EPYC: variants seen among roughly 807,000 people sequenced by gnomAD.
EPYC encodes epiphycan, also known as dermatan sulfate proteoglycan 3.
EPYC carries 28 observed loss-of-function variants against 30.1 expected under a neutral mutation model. That is an observed-to-expected ratio of 0.93 (90% CI 0.69 to 1.28). EPYC has a LOEUF of 1.28. Among genes scored for constraint, EPYC ranks in the 50% most tolerant of loss-of-function variants. EPYC has a pLI of 0.00. For missense variants in EPYC, 382 were observed against 383.5 expected, an observed-to-expected ratio of 1.00 and a Z score of 0.03; for synonymous variants, 144 against 141.4, an observed-to-expected ratio of 1.02 and a Z score of -0.13.
intron 6 of EPYC, among the ~76,000 whole-genome samples, chr12:90,966,458 T>C (rs1173083066): frequency 6.6e-6 from 1 of 152,082 alleles, no homozygotes; most frequent in Non-Finnish European, 1.5e-5. Flanking sequence ...TTTTAAATGT[T>C]AAACTATTCT....
intron 2 of EPYC, 73 bp downstream of exon 2, chr12:91,002,328 T>C: frequency 7.5e-7 from 1 of 1,333,284 alleles, no homozygotes; most frequent in Non-Finnish European, 1.0e-6. Context: ...CAAACATCTA[T>C]TTGAGGAAAA....
chr12:90,966,112 A>G (rs1485042000), intron 6 of EPYC, among the ~76,000 whole-genome samples: 1 of 151,924 alleles, frequency 6.6e-6, no homozygotes, highest in Non-Finnish European at 1.5e-5. Context: ...GAAACTATTT[A>G]TTTACTATAT....
intron 6 of EPYC, among the ~76,000 whole-genome samples, chr12:90,968,322 C>T (rs1876951599): frequency 6.6e-6 from 1 of 152,160 alleles, no homozygotes; most frequent in African/African-American, 2.4e-5. Flanking sequence ...TTCATCCTCC[C>T]AGCCATCCTG....
intron 2 of EPYC, among the ~76,000 whole-genome samples, chr12:90,996,001 T>C (rs1432501571): frequency 6.6e-6 from 1 of 151,900 alleles, no homozygotes; most frequent in African/African-American, 2.4e-5. Flanking sequence ...CAACATAAAG[T>C]GTTGAGTATG....
chr12:90,963,796 TG>T lies in EPYC; in HGVS notation c.*359del, dbSNP rs1431163615. 1 of 157,624 alleles carries T rather than the reference TG, an allele frequency of 6.3e-6. No homozygotes were observed. Among genetic ancestry groups the T allele is most frequent in the Non-Finnish European group, 1.4e-5 (1 of 71,780 alleles). 9.8% of individuals were successfully genotyped at this position (157,624 alleles called of 1,614,324 possible). A position where few individuals can be genotyped will look rare whatever the true frequency, so the allele number is the denominator to read the frequency against. Reference sequence around the variant, plus strand: ...AGTTTAATTAAAAACATCTAAATCTTGGCAAAAATACCTAAAGTGTTCATTT... The same window carrying T: ...AGTTTAATTAAAAACATCTAAATCTTGCAAAAATACCTAAAGTGTTCATTT... On this transcript the variant is annotated 3_prime_UTR_variant, in exon 7 of 7. Transcript: ENST00000261172.
intron 6 of EPYC, among the ~76,000 whole-genome samples, chr12:90,967,279 T>C (rs1186311158): frequency 6.6e-6 from 1 of 151,458 alleles, no homozygotes; most frequent in Non-Finnish European, 1.5e-5. Context: ...CTCCATCCCA[T>C]ACATTTCAAT....
intron 1 of EPYC, among the ~76,000 whole-genome samples, chr12:91,003,386 C>T (rs1337344591): frequency 1.3e-5 from 2 of 151,974 alleles, no homozygotes; most frequent in Non-Finnish European, 2.9e-5. Flanking sequence ...AACAGGAATA[C>T]ATGTTTAAAA....
intron 2 of EPYC, among the ~76,000 whole-genome samples, chr12:90,982,592 C>A (rs1877347842): frequency 6.6e-6 from 1 of 152,014 alleles, no homozygotes; most frequent in Non-Finnish European, 1.5e-5. Flanking sequence ...TCTTTTCTCT[C>A]CTCTTTAACT....
At chr12:90,973,094 T>C (rs1358251780) in intron 3 of EPYC, 114 bp from the exon 4 acceptor site, 1 of 552,212 alleles carries the variant, frequency 1.8e-6, no homozygotes, top group Non-Finnish European at 2.9e-6. Flanking sequence ...GTAGATTTTA[T>C]ATTTTCTCGT....
chr12:91,000,275 G>T (rs556833653), intron 2 of EPYC, among the ~76,000 whole-genome samples: 1 of 152,118 alleles, frequency 6.6e-6, no homozygotes, highest in African/African-American at 2.4e-5. Context: ...GTTTGTATGT[G>T]GTAAAGGCTG....
intron 2 of EPYC, among the ~76,000 whole-genome samples, chr12:90,994,201 A>G (rs1950098): frequency 0.82 from 124,179 of 152,070 alleles, 50,995 homozygotes; most frequent in Non-Finnish European, 0.87. Flanking sequence ...ACCCAAGCAC[A>G]ATGGGGTTAG....
chr12:90,975,996 A>T (rs555695070), intron 3 of EPYC, among the ~76,000 whole-genome samples: 24 of 152,144 alleles, frequency 1.6e-4, no homozygotes, highest in Non-Finnish European at 3.2e-4. Flanking sequence ...TATTTTTAAA[A>T]ATGGGTAATC....
rs779697733 is a variant in EPYC at position 91,002,388 on chromosome 12, G to A, written c.165+13C>T. 6.2e-7 allele frequency: 1 copy of A among 1,608,294 alleles called. No homozygotes were observed. The highest frequency in any genetic ancestry group is 1.1e-5 in the South Asian group (1 of 89,906). On this transcript the variant is annotated intron_variant, in intron 2 of 6. Transcript: ENST00000261172. ...ATGCTTTTTAAAGTTTCAAGAGTAG[G>A]AGGATCGATTACCTCAACTTTATCA...
At chr12:90,972,131 T>C in intron 4 of EPYC, 129 bp from the exon 5 acceptor site, 1 of 569,924 alleles carries the variant, frequency 1.8e-6, no homozygotes, top group East Asian at 3.0e-5. Context: ...ATTATCTTTC[T>C]TTTTATAAAA....
chr12:90,969,010 T>C (rs1876968418), intron 6 of EPYC, among the ~76,000 whole-genome samples: 1 of 151,036 alleles, frequency 6.6e-6, no homozygotes, highest in South Asian at 2.1e-4. Context: ...TACATATATA[T>C]ATATATAGTG....
At chr12:90,998,835 G>T (rs755853691) in intron 2 of EPYC, among the ~76,000 whole-genome samples, 16 of 152,120 alleles carry the variant, frequency 1.1e-4, no homozygotes, top group Middle Eastern at 3.4e-3. Flanking sequence ...TCTCCCAAGG[G>T]TCTCACAAGG....
intron 3 of EPYC, among the ~76,000 whole-genome samples, chr12:90,975,511 A>G (rs967454192): frequency 1.8e-4 from 28 of 152,164 alleles, no homozygotes; most frequent in African/African-American, 6.5e-4. Flanking sequence ...TTGAGTTTTT[A>G]ACTTTTTTAT....
intron 1 of EPYC, 50 bp downstream of exon 1, chr12:91,004,897 T>C (rs1170850012): frequency 1.3e-5 from 2 of 152,090 alleles, no homozygotes; most frequent in African/African-American, 4.8e-5. Flanking sequence ...AAGGTTGTTA[T>C]AGTAGGGAAA....
At chr12:90,987,337 A>G (rs1353267929) in intron 2 of EPYC, among the ~76,000 whole-genome samples, 2 of 149,718 alleles carry the variant, frequency 1.3e-5, no homozygotes, top group Non-Finnish European at 3.0e-5. Context: ...CCACACAGAA[A>G]CATTCCAAGC....
Sources: gnomAD v4.1 joint callset for allele counts (sites outside exome capture counted in the v4.1 genomes callset) on GRCh38, gnomAD v4.1.1 for gene constraint, MANE v1.5 for transcripts, NCBI Gene and HGNC (gene_info 2026-07-23, HGNC 2026-07-21) for gene names.